IGF2BP3: variants seen among roughly 807,000 people sequenced by gnomAD.
IGF2BP3 encodes insulin like growth factor 2 mRNA binding protein 3, also known as insulin-like growth factor 2 mRNA-binding protein 3.
IGF2BP3 carries 9 observed loss-of-function variants against 73.8 expected under a neutral mutation model. That is an observed-to-expected ratio of 0.12 (90% CI 0.07 to 0.21). IGF2BP3 has a LOEUF of 0.21. IGF2BP3 is among the 10% of genes least tolerant of loss of function. The pLI, the probability that IGF2BP3 is intolerant of heterozygous loss-of-function variation, is 1.00. For synonymous variants in IGF2BP3, 258 were observed against 256.7 expected, an observed-to-expected ratio of 1.01 and a Z score of -0.05; for missense variants, 542 against 714.0, an observed-to-expected ratio of 0.76 and a Z score of 2.75.
At chr7:23,466,359 G>A (rs1425424532) in intron 2 of IGF2BP3, among the ~76,000 whole-genome samples, 2 of 152,110 alleles carry the variant, frequency 1.3e-5, no homozygotes, top group African/African-American at 4.8e-5. Context: ...ACACAAGCAA[G>A]GAACATGATT....
intron 6 of IGF2BP3, among the ~76,000 whole-genome samples, chr7:23,349,819 G>A (rs1784916687): frequency 6.6e-6 from 1 of 152,184 alleles, no homozygotes; most frequent in African/African-American, 2.4e-5. Flanking sequence ...AGGGAAATGA[G>A]TAGCTCGAAA....
chr7:23,327,234 T>G (rs1029785031), intron 10 of IGF2BP3, among the ~76,000 whole-genome samples: 7 of 151,972 alleles, frequency 4.6e-5, no homozygotes, highest in Non-Finnish European at 1.0e-4. Flanking sequence ...CCATCAGTAC[T>G]GTAGTATGTA....
At chr7:23,368,313 A>G (rs1785439018) in intron 3 of IGF2BP3, among the ~76,000 whole-genome samples, 1 of 145,150 alleles carries the variant, frequency 6.9e-6, no homozygotes. Flanking sequence ...AAAGAGAGAA[A>G]GAGAGAGAGA....
chr7:23,317,925 G>A (rs926438590), intron 11 of IGF2BP3: 42 of 566,548 alleles, frequency 7.4e-5, no homozygotes, highest in Middle Eastern at 9.6e-4. Flanking sequence ...GGGCCCTAAT[G>A]GAGACCTCCA....
chr7:23,327,983 G>A (rs773929121), intron 10 of IGF2BP3, among the ~76,000 whole-genome samples: 2 of 152,092 alleles, frequency 1.3e-5, no homozygotes, highest in Admixed American at 1.3e-4. Flanking sequence ...CATTCCGTAG[G>A]TCACAGTTTA....
chr7:23,397,241 G>A (rs1786505994), intron 3 of IGF2BP3, among the ~76,000 whole-genome samples: 1 of 152,218 alleles, frequency 6.6e-6, no homozygotes, highest in Non-Finnish European at 1.5e-5. Context: ...GTCTTGTGCA[G>A]CAAATTCTCC....
Position 23,312,304 on chromosome 7 carries a change from T to A in IGF2BP3, c.*58A>T. 1 of 1,254,788 alleles carries A rather than the reference T, an allele frequency of 8.0e-7. No homozygotes were observed. Among genetic ancestry groups the A allele is most frequent in the Non-Finnish European group, 1.2e-6 (1 of 855,782 alleles). 77.7% of individuals were successfully genotyped at this position (1,254,788 alleles called of 1,614,324 possible). ...TAGGGGGTCAGCGCCCATCTGTTGG[T>A]TAAGCAATCTGTCTTTGGTTTGGCA... On this transcript the variant is annotated 3_prime_UTR_variant, in exon 15 of 15. Coordinates refer to ENST00000258729, the MANE Select transcript of IGF2BP3 (RefSeq NM_006547.3).
At chr7:23,443,862 A>G (rs190344624) in intron 2 of IGF2BP3, among the ~76,000 whole-genome samples, 4 of 152,074 alleles carry the variant, frequency 2.6e-5, no homozygotes, top group Admixed American at 2.0e-4. Flanking sequence ...ACAGAAAATT[A>G]GCCAGGCATG....
rs527513257 is a variant in IGF2BP3 at position 23,364,574 on chromosome 7, G to A, written c.286-2833C>T. 1.4e-3 allele frequency among the ~76,000 whole-genome samples: 209 copies of A among 144,978 alleles called. 1 individual carries two copies. Among genetic ancestry groups the A allele is most frequent in the African/African-American group, 4.5e-3 (175 of 38,744 alleles). On this transcript the variant is annotated intron_variant, in intron 3 of 14. Coordinates refer to ENST00000258729, the MANE Select transcript of IGF2BP3 (RefSeq NM_006547.3). ...AAAAAAAAAAAAAAAAAAAAAAAGC[G>A]GGAGGTTGGGGGGTGGGGGGTGGCG... is the stretch of plus-strand genomic sequence containing the variant.
chr7:23,392,774 C>T (rs1159322827), intron 3 of IGF2BP3, among the ~76,000 whole-genome samples: 10 of 152,030 alleles, frequency 6.6e-5, no homozygotes, highest in African/African-American at 2.4e-4. Context: ...GGACTACAGA[C>T]GTGGGCCACC....
At chr7:23,370,119 C>T (rs941367988) in intron 3 of IGF2BP3, among the ~76,000 whole-genome samples, 17 of 152,172 alleles carry the variant, frequency 1.1e-4, no homozygotes, top group Admixed American at 1.1e-3. Context: ...CAACATACTT[C>T]CCACACCTAT....
intron 12 of IGF2BP3, among the ~76,000 whole-genome samples, chr7:23,315,824 T>C (rs1322847415): frequency 2.6e-5 from 4 of 152,198 alleles, no homozygotes; most frequent in Non-Finnish European, 5.9e-5. Flanking sequence ...AAGTAAAACA[T>C]TCATTTAGCA....
In IGF2BP3 at chr7:23,327,717, A is replaced by G. The variant is rs1263886150; in HGVS notation, c.1204-8463T>C. ...AAGAAAACAGTAACACTGGGCTCTG[A>G]CAGCTTTACTAGATGTAGAAACCAA... On this transcript the variant is annotated intron_variant, in intron 10 of 14. Coordinates refer to ENST00000258729, the MANE Select transcript of IGF2BP3 (RefSeq NM_006547.3). Among the ~76,000 whole-genome samples, 6 of 152,316 alleles carry G rather than the reference A, an allele frequency of 3.9e-5. No homozygotes were observed. The South Asian group carries it at 6.2e-4, about 16-fold the overall frequency.
intron 3 of IGF2BP3, among the ~76,000 whole-genome samples, chr7:23,407,893 A>T (rs1786887261): frequency 7.3e-6 from 1 of 136,184 alleles, no homozygotes; most frequent in Admixed American, 8.2e-5. Flanking sequence ...AAATACCACA[A>T]TAAAGTGGAG....
chr7:23,417,900 C>T (rs1271327017), intron 3 of IGF2BP3, among the ~76,000 whole-genome samples: 6 of 152,162 alleles, frequency 3.9e-5, no homozygotes, highest in African/African-American at 1.4e-4. Context: ...TCCTGCAAAG[C>T]TTAATCTCAA....
In IGF2BP3 at chr7:23,469,829, C is replaced by A. The variant is rs1788671962; in HGVS notation, c.175+107G>T. On this transcript the variant is annotated intron_variant, in intron 1 of 14. Transcript: ENST00000258729. This position sits in a 1 kb window ranked among gnomAD's most constrained non-coding sequence, Gnocchi z 6.1. ...GGTGTGGGCGCTCAGGCCTCACCCC[C>A]GCTCCCCCAGCGCGCCGGGCCTGGG... 1 of 662,690 alleles carries A rather than the reference C, an allele frequency of 1.5e-6. No homozygotes were observed. Among genetic ancestry groups the A allele is most frequent in the Non-Finnish European group, 2.1e-6 (1 of 472,354 alleles). The allele number at this position is 662,690 out of a possible 1,614,324, so 41.1% of individuals were successfully genotyped here.
chr7:23,467,269 G>A (rs1788585950), intron 2 of IGF2BP3, among the ~76,000 whole-genome samples: 1 of 152,140 alleles, frequency 6.6e-6, no homozygotes, highest in African/African-American at 2.4e-5. Context: ...ATCTACACAG[G>A]CATACAGATG....
At chr7:23,374,070 G>A (rs7808331) in intron 3 of IGF2BP3, among the ~76,000 whole-genome samples, 43,955 of 152,032 alleles carry the variant, frequency 0.29, 10,561 homozygotes, top group African/African-American at 0.66. Flanking sequence ...TTCTTTACAA[G>A]GTACCCAGCC....
chr7:23,390,494 C>T lies in IGF2BP3; in HGVS notation c.285+28282G>A, dbSNP rs142355649. 7.2e-5 allele frequency among the ~76,000 whole-genome samples: 11 copies of T among 152,202 alleles called. No individual in the cohort carries two copies. In the East Asian group the frequency reaches 7.7e-4, roughly 11 times the overall value. ...TGAGCTACAGGAAAGCAAAGAGTGC[C>T]GCTAGATTAGGGTAAACCACCAGAG... On this transcript the variant is annotated intron_variant, in intron 3 of 14. Coordinates refer to ENST00000258729, the MANE Select transcript of IGF2BP3 (RefSeq NM_006547.3).
Sources: allele counts gnomAD v4.1 joint callset (sites outside exome capture counted in the v4.1 genomes callset), GRCh38; gene constraint gnomAD v4.1.1; non-coding constraint Gnocchi (gnomAD v3.1); transcripts MANE v1.5; gene names NCBI Gene and HGNC (gene_info 2026-07-23, HGNC 2026-07-21).